BAHCC1: variants seen among roughly 807,000 people sequenced by gnomAD.
BAHCC1 encodes BAH and coiled-coil domain-containing protein 1.
Under a neutral mutation model 88.2 loss-of-function variants are expected in BAHCC1, and 43 were observed. The ratio of observed to expected loss-of-function variants is 0.49; its 90% CI spans 0.38 to 0.63. The LOEUF is 0.63. Ranked by LOEUF, BAHCC1 falls within the 20% of genes least tolerant of loss-of-function variation. The pLI, the probability that BAHCC1 is intolerant of heterozygous loss-of-function variation, is 0.00. For missense variants in BAHCC1, 3,023 were observed against 1,654.8 expected (o/e 1.83, Z -14.34); for synonymous variants, 1,510 against 745.5 (o/e 2.03, Z -16.71).
At chr17:81,428,422 C>T (rs981193272) in intron 3 of BAHCC1, among the ~76,000 whole-genome samples, 5 of 152,194 alleles carry the variant, frequency 3.3e-5, no homozygotes, top group African/African-American at 4.8e-5. Context: ...ACAGACGCAA[C>T]GGCCGCTGCC....
At chr17:81,407,525 G>A (rs981496442) in intron 2 of BAHCC1, among the ~76,000 whole-genome samples, 1 of 152,242 alleles carries the variant, frequency 6.6e-6, no homozygotes, top group Non-Finnish European at 1.5e-5. Flanking sequence ...AGAAGAGATG[G>A]GGGATGCCCA....
chr17:81,422,851 C>A, intron 2 of BAHCC1: 1 of 373,716 alleles, frequency 2.7e-6, no homozygotes. Flanking sequence ...GGTGGGAAGG[C>A]CTGGGGGACT....
chr17:81,458,249 G>A lies in BAHCC1; in HGVS notation c.5126G>A (p.Arg1709Gln), dbSNP rs782571952. ...GCCAAGGTGGGCACCACCCTGGAGC[G>A]GGCCCCAGGGCAGAGGCCCCCAGGT... ...VKAKVGTTLE[R>Q]APGQRPPGAL... Residue 1709 changes from arginine (R) to glutamine (Q), a missense_variant, in exon 18 of 28, where the codon CGG becomes CAG. Coordinates refer to ENST00000675386, the MANE Select transcript of BAHCC1 (RefSeq NM_001377448.1). 1.1e-5 allele frequency: 8 copies of A among 741,310 alleles called. No homozygotes were observed. The highest frequency in any genetic ancestry group is 2.3e-4 in the Middle Eastern group (1 of 4,392). The allele number at this position is 741,310 out of a possible 1,614,324, so 45.9% of individuals were successfully genotyped here.
chr17:81,422,943 C>T, intron 2 of BAHCC1: 1 of 283,802 alleles, frequency 3.5e-6, no homozygotes, highest in Non-Finnish European at 6.9e-6. Context: ...GCCCCAGTGT[C>T]CCCAAGCAGG....
intron 2 of BAHCC1, chr17:81,413,073 A>C: frequency 2.4e-6 from 1 of 422,522 alleles, no homozygotes; most frequent in Non-Finnish European, 4.8e-6. Context: ...CCAAGCGCCA[A>C]TTACATAAAG....
chr17:81,407,039 A>ATTT, intron 2 of BAHCC1: 1 of 454,880 alleles, frequency 2.2e-6, no homozygotes, highest in South Asian at 1.6e-5. Context: ...CCCCAAGAAA[A>ATTT]AGTCCAGTGT....
intron 1 of BAHCC1, among the ~76,000 whole-genome samples, chr17:81,397,304 G>A (rs2063755644): frequency 6.6e-6 from 1 of 151,550 alleles, no homozygotes; most frequent in African/African-American, 2.4e-5. Flanking sequence ...CAGGGGGTGG[G>A]AGATTAAAAT....
chr17:81,422,265 C>A (rs1237867500), intron 2 of BAHCC1, among the ~76,000 whole-genome samples: 1 of 152,244 alleles, frequency 6.6e-6, no homozygotes, highest in Non-Finnish European at 1.5e-5. Flanking sequence ...ACCACCTTGG[C>A]CTCCCAAAGT....
chr17:81,458,124 A>G (rs1555657833), intron 17 of BAHCC1, 41 bp from the exon 18 acceptor site: 1 of 713,864 alleles, frequency 1.4e-6, no homozygotes. Context: ...CCGGGTCTCT[A>G]GGATGGGGAC....
In BAHCC1 at chr17:81,464,606, G is replaced by A. The variant is rs1295225855; in HGVS notation, c.*789G>A. 1 of 152,642 alleles carries A rather than the reference G, an allele frequency of 6.6e-6. No individual in the cohort carries two copies. Among genetic ancestry groups the A allele is most frequent in the African/African-American group, 2.4e-5 (1 of 41,452 alleles). The allele number at this position is 152,642 out of a possible 1,614,324, so 9.5% of individuals were successfully genotyped here. ...GATTCAAGAGGCAAAGCCCAGACCA[G>A]GGAGTGTGACAACAGCCGTGAGCAT... On this transcript the variant is annotated 3_prime_UTR_variant, in exon 28 of 28. Coordinates refer to ENST00000675386, the MANE Select transcript of BAHCC1 (RefSeq NM_001377448.1).
rs1013511487 is a variant in BAHCC1, at chr17:81,435,780, C to T, written c.359-2590C>T. Among the ~76,000 whole-genome samples the T allele has an allele frequency of 6.6e-6, 1 of 151,748 alleles. No homozygotes were observed. The highest frequency in any genetic ancestry group is 2.4e-5 in the African/African-American group (1 of 41,312). On this transcript the variant is annotated intron_variant, in intron 3 of 27. Transcript: ENST00000675386. This position sits in a 1 kb window ranked among gnomAD's most constrained non-coding sequence, Gnocchi z 4.4. The stretch of plus-strand genomic sequence containing the variant: ...AACCCCTTCCAGGATGCCTGTGTGT[C>T]CCCGGCCCGGCCGCAGCAGCCCTGC...
chr17:81,437,559 G>A (rs782787541), intron 3 of BAHCC1, among the ~76,000 whole-genome samples: 26 of 152,246 alleles, frequency 1.7e-4, no homozygotes, highest in Non-Finnish European at 3.4e-4. Flanking sequence ...TTGGGTGGGG[G>A]CAAGTGTGCC....
At chr17:81,456,721 C>T (rs1339569905) in intron 16 of BAHCC1, 136 bp downstream of exon 16, 76 of 580,718 alleles carry the variant, frequency 1.3e-4, no homozygotes, top group Non-Finnish European at 2.1e-4. Flanking sequence ...TCCAAGGAGA[C>T]GTTTTCACTG....
At chr17:81,419,598 G>A (rs1393775224) in intron 2 of BAHCC1, among the ~76,000 whole-genome samples, 1 of 152,066 alleles carries the variant, frequency 6.6e-6, no homozygotes, top group Non-Finnish European at 1.5e-5. Flanking sequence ...CCAGTGCCGA[G>A]GGAAGAGGGG....
chr17:81,430,676 C>T (rs903531093), intron 3 of BAHCC1, among the ~76,000 whole-genome samples: 8 of 152,176 alleles, frequency 5.3e-5, no homozygotes, highest in African/African-American at 1.9e-4. Context: ...CCCCGAGTGT[C>T]CTCAGAGGTA....
Position 81,442,035 on chromosome 17 carries a change from C to T in BAHCC1, c.686C>T (p.Ala229Val), listed in dbSNP as rs782582251. The T allele has an allele frequency of 1.4e-5, 10 of 718,502 alleles. No homozygotes were observed. In the Admixed American group the frequency reaches 1.4e-4, roughly 10 times the overall value. 44.5% of individuals were successfully genotyped at this position (718,502 alleles called of 1,614,324 possible). A position where few individuals can be genotyped will look rare whatever the true frequency, so the allele number is the denominator to read the frequency against. Residue 229 changes from alanine (A) to valine (V), a missense_variant, in exon 5 of 28, where the codon GCG becomes GTG. Transcript: ENST00000675386. ...LVGKELGREKAGKAAEGKERP... is the reference protein window; with the variant it reads ...LVGKELGREKVGKAAEGKERP... ...GGCAAAGAGCTGGGCAGAGAGAAGG[C>T]GGGCAAGGCCGCTGAGGGCAAGGAG...
At chr17:81,400,022 G>T in intron 2 of BAHCC1, 105 bp downstream of exon 2, 2 of 1,034,208 alleles carry the variant, frequency 1.9e-6, no homozygotes, top group South Asian at 4.4e-5. Context: ...TTCATTTCCC[G>T]GCCCCGGCCG....
At chr17:81,438,875 G>C (rs1555652124) in intron 4 of BAHCC1, among the ~76,000 whole-genome samples, 2 of 152,068 alleles carry the variant, frequency 1.3e-5, no homozygotes, top group Non-Finnish European at 2.9e-5. Flanking sequence ...TGCATCCTGT[G>C]GGGGCTGGAG....
At chr17:81,424,659 T>C (rs2143383515) in intron 2 of BAHCC1, among the ~76,000 whole-genome samples, 1 of 151,612 alleles carries the variant, frequency 6.6e-6, no homozygotes, top group Middle Eastern at 3.4e-3. Flanking sequence ...GTAATGGTAG[T>C]GGTGATGTGG....
Sources: allele counts gnomAD v4.1 joint callset (sites outside exome capture counted in the v4.1 genomes callset), GRCh38; gene constraint gnomAD v4.1.1; non-coding constraint Gnocchi (gnomAD v3.1); transcripts MANE v1.5; gene names NCBI Gene and HGNC (gene_info 2026-07-23, HGNC 2026-07-21).